The following SPOCK2 variants were observed in gnomAD, a reference collection of about 807,000 sequenced individuals.
SPOCK2 encodes the protein testican-2.
A neutral mutation model predicts 60.1 loss-of-function variants in SPOCK2; 39 were observed. The ratio of observed to expected loss-of-function variants is 0.65; its 90% confidence interval spans 0.50 to 0.85. SPOCK2 has a LOEUF of 0.85. Ranked by LOEUF, SPOCK2 falls within the 40% of genes least tolerant of loss-of-function variation. SPOCK2 has a pLI of 0.00. For missense variants in SPOCK2, 523 were observed against 567.4 expected, an observed-to-expected ratio of 0.92 and a Z score of 0.80; for synonymous variants, 217 against 231.5, an observed-to-expected ratio of 0.94 and a Z score of 0.57.
At chr10:72,079,399 G>C (rs1437783226) in intron 1 of SPOCK2, among the ~76,000 whole-genome samples, 1 of 152,124 alleles carries the variant, frequency 6.6e-6, no homozygotes, top group Non-Finnish European at 1.5e-5. Context: ...GACACCTGGG[G>C]GCCCCCGTTC....
chr10:72,074,649 T>TCTCCCTCAGGCTGGC (rs1344192201), intron 1 of SPOCK2, among the ~76,000 whole-genome samples: 3 of 152,162 alleles, frequency 2.0e-5, no homozygotes, highest in Admixed American at 1.3e-4. Flanking sequence ...CACTCGAGGC[T>TCTCCCTCAGGCTGGC]CTCCCTCAGG....
In SPOCK2 at chr10:72,067,624, C is replaced by T; in HGVS notation, c.698G>A (p.Gly233Asp). Residue 233 changes from glycine (G) to aspartate (D), a missense_variant, in exon 7 of 11, where the codon GGC becomes GAC. By Grantham distance (94) the Gly-to-Asp change is moderately conservative. Transcript: ENST00000373109. Reference sequence around the variant, plus strand: ...AGCAAGCTTCCTACCGCTGGCCGGGCCGGCTACACTGCTGGCTGAGCCATT... The same window carrying T: ...AGCAAGCTTCCTACCGCTGGCCGGGTCGGCTACACTGCTGGCTGAGCCATT... ...KQNGSASSVA[G>D]PASGLDKSLG... 6.2e-7 allele frequency: 1 copy of T among 1,612,940 alleles called. No homozygotes were observed.
chr10:72,084,595 T>C (rs1308056721), intron 1 of SPOCK2, among the ~76,000 whole-genome samples: 1 of 152,184 alleles, frequency 6.6e-6, no homozygotes, highest in Non-Finnish European at 1.5e-5. Flanking sequence ...AGAGTATACT[T>C]TGCTCTTCAG....
intron 3 of SPOCK2, 69 bp downstream of exon 3, chr10:72,072,434 G>GAGGACCCAA (rs1427691954): frequency 3.1e-6 from 5 of 1,607,002 alleles, no homozygotes; most frequent in Non-Finnish European, 4.3e-6. Flanking sequence ...AGCGGGCTAA[G>GAGGACCCAA]GGCTTGCCCT....
chr10:72,075,695 C>T (rs1195001336), intron 1 of SPOCK2, among the ~76,000 whole-genome samples: 1 of 152,202 alleles, frequency 6.6e-6, no homozygotes, highest in African/African-American at 2.4e-5. Flanking sequence ...GAGGGAGCCC[C>T]TTCTGTGCAA....
At chr10:72,088,621 TAAAAAA>T, upstream of SPOCK2, 5 of 181,628 alleles carry the variant, frequency 2.8e-5, no homozygotes, top group South Asian at 2.1e-4. Context: ...ATACCTGGTT[TAAAAAA>T]AAAAAAAAAA....
chr10:72,072,287 T>C, intron 3 of SPOCK2, 29 bp from the exon 4 acceptor site: 1 of 1,492,332 alleles, frequency 6.7e-7, no homozygotes. Flanking sequence ...AGGACACAGG[T>C]CACCTGGGAG....
chr10:72,087,529 C>G lies in SPOCK2; in HGVS notation c.189+611G>C, dbSNP rs1840877210. On this transcript the variant is annotated intron_variant, in intron 1 of 10. Transcript: ENST00000373109. The surrounding 1 kb of genome is among the most constrained non-coding windows in gnomAD (Gnocchi z 4.7). The stretch of plus-strand genomic sequence containing the variant: ...GCCCTTCTGCACGGGGACCCCAGCC[C>G]ACCCCCGTACGGACACGCCTTCCAC... Among the ~76,000 whole-genome samples the G allele has an allele frequency of 6.6e-6, 1 of 152,220 alleles. No homozygotes were observed. The highest frequency in any genetic ancestry group is 6.5e-5 in the Admixed American group (1 of 15,292).
intron 8 of SPOCK2, among the ~76,000 whole-genome samples, chr10:72,065,563 G>A (rs918460034): frequency 6.6e-6 from 1 of 152,248 alleles, no homozygotes; most frequent in African/African-American, 2.4e-5. Flanking sequence ...AGTGACGCAT[G>A]ACTGTAACCG....
At chr10:72,086,291 A>C (rs1293183309) in intron 1 of SPOCK2, 1 of 989,010 alleles carries the variant, frequency 1.0e-6, no homozygotes, top group African/African-American at 1.7e-5. Flanking sequence ...ACCAATACAG[A>C]GAGACAGGTG....
chr10:72,064,319 A>C, intron 8 of SPOCK2, 79 bp from the exon 9 acceptor site: 1 of 1,412,222 alleles, frequency 7.1e-7, no homozygotes, highest in Non-Finnish European at 9.3e-7. Flanking sequence ...AGGCTTAGAG[A>C]CCCAGGCAGG....
intron 8 of SPOCK2, among the ~76,000 whole-genome samples, chr10:72,065,280 C>A (rs1020570915): frequency 5.3e-5 from 8 of 152,116 alleles, no homozygotes; most frequent in African/African-American, 1.9e-4. Context: ...AGGTGATCCA[C>A]CCACCTCGGC....
intron 1 of SPOCK2, among the ~76,000 whole-genome samples, chr10:72,081,508 T>C (rs1463600358): frequency 6.6e-6 from 1 of 152,214 alleles, no homozygotes; most frequent in African/African-American, 2.4e-5. Flanking sequence ...GAGGGAGCCC[T>C]GTCTCCACCA....
chr10:72,063,259 A>G lies in SPOCK2; in HGVS notation c.992-97T>C, dbSNP rs931815104. 7.3e-6 allele frequency: 11 copies of G among 1,501,978 alleles called. No individual in the cohort carries two copies. The African/African-American group carries it at 1.1e-4, about 15-fold the overall frequency. 93.0% of individuals were successfully genotyped at this position (1,501,978 alleles called of 1,614,324 possible). ...GGTCCTCATGCATGAGCAGAAGTCT[A>G]TACACCCCCAGAGCCCAGCCAGACC... On this transcript the variant is annotated intron_variant, in intron 9 of 10. Transcript: ENST00000373109.
Position 72,088,478 on chromosome 10 carries a change from T to A in SPOCK2, c.-150A>T. The A allele has an allele frequency of 1.1e-6, 1 of 894,454 alleles. No homozygotes were observed. Among genetic ancestry groups the A allele is most frequent in the Non-Finnish European group, 1.6e-6 (1 of 608,888 alleles). The allele number at this position is 894,454 out of a possible 1,614,324, so 55.4% of individuals were successfully genotyped here. A position where few individuals can be genotyped will look rare whatever the true frequency, so the allele number is the denominator to read the frequency against. On this transcript the variant is annotated 5_prime_UTR_variant, in exon 1 of 11. Transcript: ENST00000373109. The stretch of plus-strand genomic sequence containing the variant: ...TGACTGGCGGAGAGTGGGTCGCGGC[T>A]GAAATGTGACCTGGTTAGGAGATGC...
chr10:72,061,961 A>C lies in SPOCK2; in HGVS notation c.*799T>G, dbSNP rs1840496995. 6.5e-6 allele frequency: 1 copy of C among 153,242 alleles called. No homozygotes were observed. Among genetic ancestry groups the C allele is most frequent in the Non-Finnish European group, 1.5e-5 (1 of 68,686 alleles). The allele number at this position is 153,242 out of a possible 1,614,324, so 9.5% of individuals were successfully genotyped here. On this transcript the variant is annotated 3_prime_UTR_variant, in exon 11 of 11. Transcript: ENST00000373109. Reference sequence around the variant, plus strand: ...ACCTGCACCACCTGGGCCACCTGGGACAGACCTCAGACAGCTTGGCGAGGC... The same window carrying C: ...ACCTGCACCACCTGGGCCACCTGGGCCAGACCTCAGACAGCTTGGCGAGGC...
rs780267799 is a variant in SPOCK2, at chr10:72,064,193, C to T, written c.976G>A (p.Ala326Thr). Reference sequence around the variant, plus strand: ...GGCCCCTCACCTGGCTTCTTCTTGGCGGCCTCCTGGATCTGGATGCGCTCC... The same window carrying T: ...GGCCCCTCACCTGGCTTCTTCTTGGTGGCCTCCTGGATCTGGATGCGCTCC... ...ELERIQIQEA[A>T]KKKPGIFIPS... Residue 326 changes from alanine (A) to threonine (T), a missense_variant, in exon 9 of 11, where the codon GCC becomes ACC. Physicochemically the swap from Ala to Thr is moderately conservative, Grantham distance 58. Coordinates refer to ENST00000373109, the MANE Select transcript of SPOCK2 (RefSeq NM_001244950.2). 3.6e-5 allele frequency: 58 copies of T among 1,611,338 alleles called. No individual in the cohort carries two copies. Among genetic ancestry groups the T allele is most frequent in the African/African-American group, 5.4e-5 (4 of 74,758 alleles).
intron 1 of SPOCK2, among the ~76,000 whole-genome samples, chr10:72,085,626 G>A (rs904647538): frequency 1.8e-4 from 27 of 152,042 alleles, no homozygotes; most frequent in African/African-American, 5.3e-4. Context: ...TATCCCACTC[G>A]TCCTGCTTGC....
At position 72,087,129 on chromosome 10, in the gene SPOCK2, A is replaced by C; in HGVS notation, c.189+1011T>G. 2.2e-6 allele frequency: 2 copies of C among 928,832 alleles called. No homozygotes were observed. The highest frequency in any genetic ancestry group is 3.1e-6 in the Non-Finnish European group (2 of 645,644). The allele number at this position is 928,832 out of a possible 1,614,324, so 57.5% of individuals were successfully genotyped here. On this transcript the variant is annotated intron_variant, in intron 1 of 10. Transcript: ENST00000373109. This position sits in a 1 kb window ranked among gnomAD's most constrained non-coding sequence, Gnocchi z 4.7. Reference sequence around the variant, plus strand: ...CCCATCCCCCACAGCACCCCCAACGATCTCGGGGTCCAGCCACACCCTCCG... The same window carrying C: ...CCCATCCCCCACAGCACCCCCAACGCTCTCGGGGTCCAGCCACACCCTCCG...
Sources: gnomAD v4.1 joint callset for allele counts (sites outside exome capture counted in the v4.1 genomes callset) on GRCh38, gnomAD v4.1.1 for gene constraint, Gnocchi (gnomAD v3.1) non-coding constraint, MANE v1.5 for transcripts, NCBI Gene and HGNC (gene_info 2026-07-23, HGNC 2026-07-21) for gene names.